The following PTPRM variants were observed in gnomAD, a reference collection of about 807,000 sequenced individuals.
PTPRM encodes the protein protein tyrosine phosphatase receptor type M.
Under a neutral mutation model 186.7 loss-of-function variants are expected in PTPRM, and 47 were observed. The ratio of observed to expected loss-of-function variants is 0.25; its 90% CI spans 0.20 to 0.32. The LOEUF is 0.32. Among genes scored for constraint, PTPRM ranks in the 10% least tolerant of loss-of-function variants. The pLI is 1.00. For synonymous variants in PTPRM, 668 were observed against 674.9 expected, an observed-to-expected ratio of 0.99 and a Z score of 0.16; for missense variants, 1,494 against 1,865.0, an observed-to-expected ratio of 0.80 and a Z score of 3.66.
intron 5 of PTPRM, among the ~76,000 whole-genome samples, chr18:7,929,473 C>T (rs1388187512): frequency 6.6e-6 from 1 of 152,146 alleles, no homozygotes; most frequent in African/African-American, 2.4e-5. Context: ...ACAGATAGAA[C>T]TGTTGTGACT....
intron 7 of PTPRM, among the ~76,000 whole-genome samples, chr18:7,980,575 G>T (rs2082494605): frequency 6.6e-6 from 1 of 151,850 alleles, no homozygotes; most frequent in African/African-American, 2.4e-5. Context: ...GTAGGGACTG[G>T]GCCTCACTAT....
intron 1 of PTPRM, among the ~76,000 whole-genome samples, chr18:7,680,141 C>T (rs1187133833): frequency 6.6e-6 from 1 of 152,220 alleles, no homozygotes; most frequent in Non-Finnish European, 1.5e-5. Flanking sequence ...GCTGAGACTA[C>T]AGGCATGAGC....
At position 7,766,400 on chromosome 18, in the gene PTPRM, C is replaced by T. The variant is rs772637143; in HGVS notation, c.74-7749C>T. 3.5e-4 allele frequency among the ~76,000 whole-genome samples: 53 copies of T among 152,182 alleles called. 1 individual carries two copies. Among genetic ancestry groups the T allele is most frequent in the Admixed American group, 1.3e-4 (2 of 15,280 alleles). On this transcript the variant is annotated intron_variant, in intron 1 of 32. Transcript: ENST00000580170. ...AGGAATAGTGGATGTATGGAGCTGA[C>T]GTTAGCCCAGGGGCAGAGACAGAGC...
At chr18:8,356,095 T>C (rs2095561932) in intron 23 of PTPRM, among the ~76,000 whole-genome samples, 1 of 152,182 alleles carries the variant, frequency 6.6e-6, no homozygotes, top group South Asian at 2.1e-4. Context: ...ATGAAATGGA[T>C]GTTGACAGAC....
chr18:7,822,286 T>C (rs1336740027), intron 2 of PTPRM, among the ~76,000 whole-genome samples: 1 of 152,210 alleles, frequency 6.6e-6, no homozygotes, highest in African/African-American at 2.4e-5. Flanking sequence ...TGGGCTATAA[T>C]GTGGAAATAT....
intron 2 of PTPRM, among the ~76,000 whole-genome samples, chr18:7,861,274 TA>T (rs988843348): frequency 2.0e-5 from 3 of 152,154 alleles, no homozygotes; most frequent in Admixed American, 6.6e-5. Flanking sequence ...GTAAATCCCC[TA>T]AAAAAATTAT....
intron 19 of PTPRM, among the ~76,000 whole-genome samples, chr18:8,281,151 C>T (rs1433079007): frequency 1.3e-5 from 2 of 152,168 alleles, no homozygotes; most frequent in Non-Finnish European, 2.9e-5. Flanking sequence ...ACGCAGCGGG[C>T]GTAGAAGCCA....
rs148600377 is a variant in PTPRM, at chr18:7,681,654, C to G, written c.74-92495C>G. Among the ~76,000 whole-genome samples, 60 of 152,030 alleles carry G rather than the reference C, an allele frequency of 3.9e-4. 1 individual carries two copies. Among genetic ancestry groups the G allele is most frequent in the African/African-American group, 1.2e-3 (49 of 41,472 alleles). The stretch of plus-strand genomic sequence containing the variant: ...CCCAAATGCACTGCTGGTGTAATTA[C>G]CAAATGCTGACTTCTAGATAGATAG... On this transcript the variant is annotated intron_variant, in intron 1 of 32. Coordinates refer to ENST00000580170, the MANE Select transcript of PTPRM (RefSeq NM_001105244.2).
intron 7 of PTPRM, among the ~76,000 whole-genome samples, chr18:7,980,699 T>TA (rs1274969645): frequency 6.6e-6 from 1 of 152,180 alleles, no homozygotes; most frequent in Admixed American, 6.5e-5. Flanking sequence ...AGGTCTTTTA[T>TA]AAATGCACAT....
chr18:8,371,390 C>T (rs1189555402), intron 24 of PTPRM, among the ~76,000 whole-genome samples: 9 of 152,042 alleles, frequency 5.9e-5, no homozygotes, highest in Admixed American at 5.2e-4. Flanking sequence ...ATGCATTTTC[C>T]AGTAGGGAGT....
intron 2 of PTPRM, among the ~76,000 whole-genome samples, chr18:7,816,107 G>T (rs778559635): frequency 1.6e-4 from 24 of 152,174 alleles, no homozygotes; most frequent in Non-Finnish European, 3.4e-4. Context: ...CAAAGCCAAA[G>T]AATTCTGTGA....
intron 1 of PTPRM, among the ~76,000 whole-genome samples, chr18:7,588,343 AAATT>A (rs1451467036): frequency 6.6e-6 from 1 of 152,230 alleles, no homozygotes; most frequent in Non-Finnish European, 1.5e-5. Flanking sequence ...TACTAAAAAT[AAATT>A]GTTATAGCAG....
intron 7 of PTPRM, among the ~76,000 whole-genome samples, chr18:8,052,878 T>TTG (rs939540157): frequency 1.3e-5 from 2 of 152,172 alleles, no homozygotes; most frequent in Admixed American, 1.3e-4. Context: ...GTGAATCTGA[T>TTG]TGGTATAGAA....
At chr18:8,263,029 A>G (rs2094651065) in intron 19 of PTPRM, among the ~76,000 whole-genome samples, 2 of 152,172 alleles carry the variant, frequency 1.3e-5, no homozygotes, top group Non-Finnish European at 2.9e-5. Context: ...ATCAATACTG[A>G]TCACCTAAAA....
chr18:8,061,576 G>T (rs1464111381), intron 7 of PTPRM, among the ~76,000 whole-genome samples: 117 of 94,900 alleles, frequency 1.2e-3, no homozygotes, highest in African/African-American at 5.0e-3. Context: ...ATTTTGGCAT[G>T]ATTTTGCAGC....
intron 20 of PTPRM, among the ~76,000 whole-genome samples, chr18:8,301,470 G>A (rs542139964): frequency 5.9e-5 from 9 of 152,252 alleles, no homozygotes; most frequent in Middle Eastern, 3.4e-3. Flanking sequence ...CCTTGCAGCC[G>A]GCTCCTCTTT....
intron 7 of PTPRM, among the ~76,000 whole-genome samples, chr18:8,068,074 C>T (rs1368186373): frequency 6.6e-6 from 1 of 152,080 alleles, no homozygotes; most frequent in Non-Finnish European, 1.5e-5. Context: ...CAAACCCTGA[C>T]CCTGATCAAG....
intron 22 of PTPRM, among the ~76,000 whole-genome samples, chr18:8,340,945 G>T (rs918019052): frequency 6.6e-6 from 1 of 152,204 alleles, no homozygotes; most frequent in Non-Finnish European, 1.5e-5. Context: ...AACAGTCACT[G>T]GGAAGCTAGG....
intron 23 of PTPRM, among the ~76,000 whole-genome samples, chr18:8,352,252 G>A (rs549480314): frequency 7.9e-5 from 12 of 152,346 alleles, no homozygotes; most frequent in African/African-American, 2.4e-4. Flanking sequence ...CTCGGAGCAC[G>A]TGGTAAAGAG....
Sources: allele counts gnomAD v4.1 joint callset (sites outside exome capture counted in the v4.1 genomes callset), GRCh38; gene constraint gnomAD v4.1.1; transcripts MANE v1.5; gene names NCBI Gene and HGNC (gene_info 2026-07-23, HGNC 2026-07-21).